Variants in ACACB observed in about 807,000 individuals in gnomAD.
ACACB encodes acetyl-CoA carboxylase 2.
Under a neutral mutation model 278.8 loss-of-function variants are expected in ACACB, and 209 were observed. The observed-to-expected ratio is 0.75, with a 90% CI of 0.67 to 0.84. ACACB has a LOEUF of 0.84. Ranked by LOEUF, ACACB falls within the 40% of genes least tolerant of loss-of-function variation. The pLI, the probability that ACACB is intolerant of heterozygous loss-of-function variation, is 0.00. For missense variants in ACACB, 2,850 were observed against 3,269.0 expected, an observed-to-expected ratio of 0.87 and a Z score of 3.13; for synonymous variants, 1,174 against 1,285.6, an observed-to-expected ratio of 0.91 and a Z score of 1.86.
In ACACB at chr12:109,252,084, G is replaced by A. The variant is rs146444196; in HGVS notation, c.5829G>A (p.Val1943=). The change falls in exon 42 of 53, where the codon GTG becomes GTA. Residue 1943 remains valine, a synonymous_variant. Transcript: ENST00000338432. The part of the protein sequence containing the change: ...CRAIGIGAYL[V]RLGQRVIQVE... ...CCATTGGGATTGGGGCCTACTTGGT[G>A]AGGCTGGGCCAGCGAGTGATCCAGG... 27 of 1,613,584 alleles carry A rather than the reference G, an allele frequency of 1.7e-5. No homozygotes were observed. The African/African-American group carries it at 2.1e-4, about 13-fold the overall frequency.
chr12:109,195,838 G>A (rs2045106368), intron 16 of ACACB, among the ~76,000 whole-genome samples: 1 of 152,110 alleles, frequency 6.6e-6, no homozygotes, highest in Admixed American at 6.6e-5. Context: ...CCCTTATGTG[G>A]TGACTGAGAG....
chr12:109,162,886 T>C (rs1392503080), intron 2 of ACACB, among the ~76,000 whole-genome samples: 3 of 152,188 alleles, frequency 2.0e-5, no homozygotes, highest in African/African-American at 7.2e-5. Context: ...GTCACAAGGT[T>C]GGAACCAAGG....
chr12:109,111,538 G>GT, the ACACB span: 404 of 150,086 alleles, frequency 2.7e-3, 5 homozygotes, highest in African/African-American at 8.2e-3. Flanking sequence ...CCACAATTGT[G>GT]TTTTTTTTTC....
intron 15 of ACACB, among the ~76,000 whole-genome samples, chr12:109,193,438 G>A (rs112822073): frequency 2.6e-5 from 4 of 152,098 alleles, no homozygotes; most frequent in East Asian, 1.9e-4. Context: ...GGCTGGTCTC[G>A]AACTCTTGGC....
At chr12:109,118,541 G>A (rs2042462456) in intron 1 of ACACB, among the ~76,000 whole-genome samples, 2 of 151,904 alleles carry the variant, frequency 1.3e-5, no homozygotes, top group African/African-American at 4.8e-5. Flanking sequence ...AGTCTCCCGA[G>A]TAGCTGGGAT....
intron 13 of ACACB, among the ~76,000 whole-genome samples, chr12:109,190,413 C>A (rs1000674984): frequency 1.3e-5 from 2 of 152,122 alleles, no homozygotes; most frequent in Non-Finnish European, 2.9e-5. Flanking sequence ...TGAACTGGTG[C>A]TCTTGGAGAT....
At chr12:109,123,890 T>C (rs1177826077) in intron 1 of ACACB, among the ~76,000 whole-genome samples, 1 of 151,580 alleles carries the variant, frequency 6.6e-6, no homozygotes, top group Non-Finnish European at 1.5e-5. Flanking sequence ...GAGTTTGCCA[T>C]GTTGCTCGGG....
At chr12:109,258,188 C>A in intron 45 of ACACB, 80 bp from the exon 46 acceptor site, 1 of 984,906 alleles carries the variant, frequency 1.0e-6, no homozygotes, top group Non-Finnish European at 1.5e-6. Flanking sequence ...CCTCCACGTG[C>A]CCTCACCCCC....
At chr12:109,164,439 C>T (rs2043833254) in intron 2 of ACACB, among the ~76,000 whole-genome samples, 1 of 152,072 alleles carries the variant, frequency 6.6e-6, no homozygotes, top group Admixed American at 6.6e-5. Context: ...ACCATATTGG[C>T]CGGGCTGGTC....
At chr12:109,242,407 A>C in intron 36 of ACACB, 30 bp from the exon 37 acceptor site, 1 of 1,604,722 alleles carries the variant, frequency 6.2e-7, no homozygotes, top group Non-Finnish European at 8.5e-7. Flanking sequence ...ATTCTCTCTC[A>C]CTCTCTGTTT....
At position 109,256,015 on chromosome 12, in the gene ACACB, A is replaced by G. The variant is rs17848836; in HGVS notation, c.6167-125A>G. 1.1e-5 allele frequency: 7 copies of G among 648,106 alleles called. 1 individual carries two copies. The Admixed American group carries it at 1.4e-4, about 13-fold the overall frequency. 40.1% of individuals were successfully genotyped at this position (648,106 alleles called of 1,614,324 possible). On this transcript the variant is annotated intron_variant, in intron 44 of 52. Coordinates refer to ENST00000338432, the MANE Select transcript of ACACB (RefSeq NM_001093.4). ...TTGGGCTGTGTGGTTTTAGGTAGAA[A>G]GGGGTATCTGGGCTATGAGGTTAAA...
At chr12:109,150,934 ACTTTTT>A (rs752051295) in intron 2 of ACACB, among the ~76,000 whole-genome samples, 43 of 149,310 alleles carry the variant, frequency 2.9e-4, no homozygotes, top group African/African-American at 6.2e-4. Flanking sequence ...TAAAATGTTT[ACTTTTT>A]CTTTTTCTTT....
Position 109,257,866 on chromosome 12 carries a change from C to T in ACACB, c.6264-402C>T, listed in dbSNP as rs547465720. On this transcript the variant is annotated intron_variant, in intron 45 of 52. Coordinates refer to ENST00000338432, the MANE Select transcript of ACACB (RefSeq NM_001093.4). The stretch of plus-strand genomic sequence containing the variant: ...GATTACAGGCATAAGCCACCATGCC[C>T]GGCTCCTTCAGTTTAAATTGAACTA... 2.6e-5 allele frequency among the ~76,000 whole-genome samples: 4 copies of T among 152,330 alleles called. No homozygotes were observed. The South Asian group carries it at 6.2e-4, about 24-fold the overall frequency.
chr12:109,189,016 T>A (rs1324118237), intron 13 of ACACB, among the ~76,000 whole-genome samples: 2 of 152,218 alleles, frequency 1.3e-5, no homozygotes, highest in African/African-American at 4.8e-5. Flanking sequence ...CTCAGCCAAG[T>A]CCTCCCATAC....
Position 109,170,610 on chromosome 12 carries a change from TAGAG to T in ACACB, c.926-1187_926-1184del, listed in dbSNP as rs1338830703. 3.9e-5 allele frequency among the ~76,000 whole-genome samples: 6 copies of T among 151,988 alleles called. No homozygotes were observed. In the East Asian group the frequency reaches 9.7e-4, roughly 25 times the overall value. ...GGGGTAACTAGAGTAGTGCAATTCA[TAGAG>T]AGAGAGAAGATCGTTGGTTGCCAAG... On this transcript the variant is annotated intron_variant, in intron 4 of 52. Transcript: ENST00000338432.
intron 43 of ACACB, 84 bp downstream of exon 43, chr12:109,253,242 G>A (rs754920438): frequency 5.1e-6 from 7 of 1,383,072 alleles, no homozygotes; most frequent in Non-Finnish European, 6.7e-6. Context: ...CCTCCTGGGT[G>A]GTGTGGGAGG....
At chr12:109,139,213 G>A (rs1034025288) in intron 1 of ACACB, among the ~76,000 whole-genome samples, 184 bp from the exon 2 acceptor site, 3 of 152,264 alleles carry the variant, frequency 2.0e-5, no homozygotes, top group Admixed American at 1.3e-4. Flanking sequence ...CTAAGATCCA[G>A]AGGGGTGAAG....
intron 16 of ACACB, among the ~76,000 whole-genome samples, chr12:109,195,726 G>GT (rs146236537): frequency 0.097 from 14,612 of 149,964 alleles, 1,578 homozygotes; most frequent in African/African-American, 0.27. Context: ...TTATTAACAA[G>GT]TTTTTTTTTT....
chr12:109,117,917 T>G (rs1227911117), intron 1 of ACACB, among the ~76,000 whole-genome samples: 1 of 152,048 alleles, frequency 6.6e-6, no homozygotes, highest in Non-Finnish European at 1.5e-5. Flanking sequence ...CGGCTAATTT[T>G]TTTTGTATTT....
Sources: allele counts gnomAD v4.1 joint callset (sites outside exome capture counted in the v4.1 genomes callset), GRCh38; gene constraint gnomAD v4.1.1; transcripts MANE v1.5; gene names NCBI Gene and HGNC (gene_info 2026-07-23, HGNC 2026-07-21).